Variants in ITPR1 observed in about 807,000 individuals in gnomAD.
ITPR1 encodes the protein inositol 1,4,5-trisphosphate receptor type 1.
ITPR1 carries 96 observed loss-of-function variants against 318.4 expected under a neutral mutation model. The observed-to-expected ratio is 0.30, with a 90% CI of 0.26 to 0.36. The LOEUF (loss-of-function observed/expected upper bound fraction) is 0.36. Ranked by LOEUF, ITPR1 falls within the 10% of genes least tolerant of loss-of-function variation. The probability of loss-of-function intolerance (pLI) is 1.00; values close to 1 mark genes in which losing one functional copy is unlikely to be tolerated. For missense variants in ITPR1, 2,440 were observed against 3,460.2 expected (o/e 0.71, Z 7.40); for synonymous variants, 1,312 against 1,289.9 (o/e 1.02, Z -0.37).
intron 55 of ITPR1, among the ~76,000 whole-genome samples, chr3:4,806,996 A>G (rs2048594964): frequency 6.6e-6 from 1 of 152,066 alleles, no homozygotes. Flanking sequence ...AAGCAACACC[A>G]TAAACAGCCT....
chr3:4,530,794 A>ACAG (rs1481488385), intron 4 of ITPR1, among the ~76,000 whole-genome samples: 2 of 151,092 alleles, frequency 1.3e-5, no homozygotes, highest in East Asian at 3.9e-4. Context: ...AACAACAACA[A>ACAG]CCCCTAAAAC....
intron 4 of ITPR1, among the ~76,000 whole-genome samples, chr3:4,599,263 A>C (rs941488025): frequency 6.6e-6 from 1 of 152,176 alleles, no homozygotes; most frequent in African/African-American, 2.4e-5. Context: ...GCCTGTGTTC[A>C]TGGCCTTCAC....
intron 42 of ITPR1, among the ~76,000 whole-genome samples, chr3:4,731,744 C>A (rs922148834): frequency 6.6e-6 from 1 of 152,154 alleles, no homozygotes; most frequent in South Asian, 2.1e-4. Flanking sequence ...CTTGGTCCCC[C>A]ACTTCTCCCA....
chr3:4,756,902 A>C (rs1366792615), intron 44 of ITPR1, among the ~76,000 whole-genome samples: 2 of 152,214 alleles, frequency 1.3e-5, no homozygotes, highest in Non-Finnish European at 2.9e-5. Flanking sequence ...TTGTTAGACA[A>C]CTGTAGCACC....
At chr3:4,833,708 G>A (rs1231318834) in intron 60 of ITPR1, among the ~76,000 whole-genome samples, 1 of 152,182 alleles carries the variant, frequency 6.6e-6, no homozygotes, top group Non-Finnish European at 1.5e-5. Context: ...CAGCCACACT[G>A]GAGCCTCACT....
chr3:4,693,782 G>A, intron 33 of ITPR1, 41 bp downstream of exon 33: 2 of 1,582,860 alleles, frequency 1.3e-6, no homozygotes, highest in Non-Finnish European at 1.7e-6. Flanking sequence ...TCGTTGCTAT[G>A]TGGTGTGTGC....
intron 8 of ITPR1, 117 bp from the exon 9 acceptor site, chr3:4,645,270 A>T: frequency 1.4e-6 from 1 of 719,892 alleles, no homozygotes; most frequent in Non-Finnish European, 2.5e-6. Context: ...GTCAATCTTT[A>T]GAGTTTTTAG....
intron 60 of ITPR1, among the ~76,000 whole-genome samples, chr3:4,835,105 T>C (rs2050802103): frequency 1.3e-5 from 2 of 152,174 alleles, no homozygotes; most frequent in African/African-American, 4.8e-5. Context: ...AACTAGTGAC[T>C]GTGACCCTGC....
chr3:4,540,411 A>G (rs1433882899), intron 4 of ITPR1, among the ~76,000 whole-genome samples: 2 of 152,232 alleles, frequency 1.3e-5, no homozygotes, highest in Non-Finnish European at 1.5e-5. Context: ...GTACATAACT[A>G]GAGAACTACT....
chr3:4,815,985 T>TACACACAC (rs10607666), intron 59 of ITPR1, among the ~76,000 whole-genome samples: 19 of 149,696 alleles, frequency 1.3e-4, no homozygotes, highest in African/African-American at 4.4e-4. Context: ...ATTTGCTTTA[T>TACACACAC]ACACACACAC....
intron 4 of ITPR1, among the ~76,000 whole-genome samples, chr3:4,554,719 A>G (rs1208258365): frequency 2.6e-5 from 4 of 152,078 alleles, no homozygotes; most frequent in African/African-American, 9.7e-5. Flanking sequence ...GTGACTCGAA[A>G]TATCTGTCTC....
At chr3:4,597,756 T>A (rs1185138149) in intron 4 of ITPR1, among the ~76,000 whole-genome samples, 1 of 152,224 alleles carries the variant, frequency 6.6e-6, no homozygotes, top group African/African-American at 2.4e-5. Flanking sequence ...TGCAACCTGG[T>A]GTGATATGTG....
In ITPR1 at chr3:4,779,784, TCTGA is replaced by T; in HGVS notation, c.6387+144_6387+147del. 1.9e-6 allele frequency: 1 copy of T among 530,074 alleles called. No individual in the cohort carries two copies. Among genetic ancestry groups the T allele is most frequent in the Non-Finnish European group, 3.4e-6 (1 of 290,646 alleles). 32.8% of individuals were successfully genotyped at this position (530,074 alleles called of 1,614,324 possible). On this transcript the variant is annotated intron_variant, in intron 49 of 61. Coordinates refer to ENST00000649015, the MANE Select transcript of ITPR1 (RefSeq NM_001378452.1). The surrounding 1 kb of genome is among the most constrained non-coding windows in gnomAD (Gnocchi z 4.0). Reference sequence around the variant, plus strand: ...ATAAAGGGAACATTGAATTCAGGCCTCTGACTGAGTAGAGAAGTGAAATATTTTG... The same window carrying T: ...ATAAAGGGAACATTGAATTCAGGCCTCTGAGTAGAGAAGTGAAATATTTTG...
intron 44 of ITPR1, among the ~76,000 whole-genome samples, chr3:4,744,264 A>G (rs191335826): frequency 1.2e-3 from 185 of 152,380 alleles, no homozygotes; most frequent in Non-Finnish European, 2.1e-3. Context: ...TGAGGCATCA[A>G]TTCATTTTAT....
At chr3:4,649,985 A>G (rs905634701) in intron 10 of ITPR1, among the ~76,000 whole-genome samples, 1 of 152,360 alleles carries the variant, frequency 6.6e-6, no homozygotes, top group Admixed American at 6.5e-5. Flanking sequence ...ATGAATAATG[A>G]GAGGACACAC....
chr3:4,818,949 T>C (rs1227898696), intron 60 of ITPR1, among the ~76,000 whole-genome samples: 1 of 152,076 alleles, frequency 6.6e-6, no homozygotes, highest in African/African-American at 2.4e-5. Flanking sequence ...CAGGGGTGGA[T>C]AGTGGCGTGA....
intron 5 of ITPR1, among the ~76,000 whole-genome samples, chr3:4,635,543 C>CA (rs2093160869): frequency 6.6e-6 from 1 of 151,930 alleles, no homozygotes; most frequent in Non-Finnish European, 1.5e-5. Context: ...GACGGGGTTT[C>CA]CCTGTGTTAG....
chr3:4,580,485 C>G (rs1050389556), intron 4 of ITPR1, among the ~76,000 whole-genome samples: 39 of 152,324 alleles, frequency 2.6e-4, no homozygotes, highest in African/African-American at 9.4e-4. Context: ...GCCAATTGTT[C>G]AAATTAGCCT....
At chr3:4,670,087 T>C (rs2094041075) in intron 19 of ITPR1, among the ~76,000 whole-genome samples, 1 of 152,228 alleles carries the variant, frequency 6.6e-6, no homozygotes, top group South Asian at 2.1e-4. Context: ...ATTTAAAATT[T>C]CAAATGACAT....
Sources: allele counts gnomAD v4.1 joint callset (sites outside exome capture counted in the v4.1 genomes callset), GRCh38; gene constraint gnomAD v4.1.1; non-coding constraint Gnocchi (gnomAD v3.1); transcripts MANE v1.5; gene names NCBI Gene and HGNC (gene_info 2026-07-23, HGNC 2026-07-21).